The following AP3S2 variants were observed in gnomAD, a reference collection of about 807,000 sequenced individuals.
AP3S2 encodes AP-3 complex subunit sigma-2.
A neutral mutation model predicts 23.4 loss-of-function variants in AP3S2; 22 were observed. The observed-to-expected ratio is 0.94, with a 90% CI of 0.67 to 1.34. The LOEUF (loss-of-function observed/expected upper bound fraction) is 1.34. Ranked by LOEUF, AP3S2 falls within the 40% of genes most tolerant of loss-of-function variation. The probability of loss-of-function intolerance (pLI) is 0.00; values close to 1 mark genes in which losing one functional copy is unlikely to be tolerated. For missense variants in AP3S2, 241 were observed against 236.9 expected, an observed-to-expected ratio of 1.02 and a Z score of -0.11; for synonymous variants, 86 against 87.1, an observed-to-expected ratio of 0.99 and a Z score of 0.07.
chr15:89,893,970 T>TAGAG lies in AP3S2; in HGVS notation c.-22_-21insCTCT. ...ATCATCTTTGCCAGCCACGGTTCTCTCAGCACCGGCTACTCCCAGAAAGCT... is the reference window on the plus strand; with the variant it reads ...ATCATCTTTGCCAGCCACGGTTCTCTAGAGCAGCACCGGCTACTCCCAGAAAGCT... On this transcript the variant is annotated 5_prime_UTR_variant, in exon 1 of 6. Transcript: ENST00000336418. 6.5e-7 allele frequency: 1 copy of TAGAG among 1,550,324 alleles called. No homozygotes were observed. The highest frequency in any genetic ancestry group is 8.7e-7 in the Non-Finnish European group (1 of 1,146,530).
chr15:89,840,513 C>T (rs530053901), intron 4 of AP3S2, among the ~76,000 whole-genome samples: 39 of 152,218 alleles, frequency 2.6e-4, no homozygotes, highest in Non-Finnish European at 4.4e-4. Context: ...CTGCAACCTC[C>T]GCCTCCTGGG....
chr15:89,835,622 C>T lies in AP3S2; in HGVS notation c.475G>A (p.Ala159Thr), dbSNP rs762025364. 6.2e-7 allele frequency: 1 copy of T among 1,610,852 alleles called. No homozygotes were observed. Among genetic ancestry groups the T allele is most frequent in the East Asian group, 2.2e-5 (1 of 44,738 alleles). The change falls in exon 6 of 6, where the codon GCG becomes ACG. Residue 159 changes from alanine to threonine, a missense_variant. By Grantham distance (58) the Ala-to-Thr change is moderately conservative. Transcript: ENST00000336418. ...KSEGGLSAAP[A>T]RAVSAVKNIN... The stretch of plus-strand genomic sequence containing the variant: ...TTTTTCACAGCAGACACAGCCCGCG[C>T]AGGGGCTGCTGAAAGGCCACCCTAA...
chr15:89,843,844 G>A (rs898914953), intron 4 of AP3S2, among the ~76,000 whole-genome samples: 11 of 152,008 alleles, frequency 7.2e-5, no homozygotes, highest in East Asian at 3.9e-4. Flanking sequence ...AAAAAACTAC[G>A]GCAAAAACTT....
In AP3S2 at chr15:89,871,563, AATAG is replaced by A. The variant is rs1896319336; in HGVS notation, c.274-21_274-18del. On this transcript the variant is annotated intron_variant, in intron 3 of 5. Coordinates refer to ENST00000336418, the MANE Select transcript of AP3S2 (RefSeq NM_005829.5). ...CACAAAAACCTAGAAAACAAGGAGA[AATAG>A]ATAAAGAAGAGAAATAGGAACACAT... 1 of 1,611,900 alleles carries A rather than the reference AATAG, an allele frequency of 6.2e-7. No homozygotes were observed. Among genetic ancestry groups the A allele is most frequent in the South Asian group, 1.1e-5 (1 of 90,490 alleles).
At chr15:89,843,446 T>C (rs1345260505) in intron 4 of AP3S2, among the ~76,000 whole-genome samples, 4 of 151,646 alleles carry the variant, frequency 2.6e-5, no homozygotes, top group Non-Finnish European at 4.4e-5. Context: ...AAGACCAGCC[T>C]GGCCAACATG....
At chr15:89,864,901 C>G (rs761908371) in intron 4 of AP3S2, among the ~76,000 whole-genome samples, 7 of 151,948 alleles carry the variant, frequency 4.6e-5, no homozygotes, top group Non-Finnish European at 8.8e-5. Flanking sequence ...AACAAAGGCC[C>G]TGAATAAACA....
intron 4 of AP3S2, among the ~76,000 whole-genome samples, chr15:89,843,644 C>A (rs907254950): frequency 6.6e-6 from 1 of 151,686 alleles, no homozygotes; most frequent in Non-Finnish European, 1.5e-5. Flanking sequence ...CAGAAAAAAA[C>A]AAACAAACAA....
intron 4 of AP3S2, among the ~76,000 whole-genome samples, chr15:89,849,193 C>T (rs1481027214): frequency 6.6e-6 from 1 of 152,080 alleles, no homozygotes; most frequent in Non-Finnish European, 1.5e-5. Context: ...GCTAGGGAGA[C>T]AAAACAATAT....
chr15:89,871,385 C>G, intron 4 of AP3S2, 90 bp downstream of exon 4: 2 of 1,193,148 alleles, frequency 1.7e-6, no homozygotes, highest in Non-Finnish European at 2.4e-6. Context: ...AAACAAGAAA[C>G]AATATGAAGA....
intron 4 of AP3S2, among the ~76,000 whole-genome samples, chr15:89,844,260 TTTC>T (rs1895424444): frequency 3.8e-5 from 1 of 26,440 alleles, no homozygotes; most frequent in African/African-American, 1.6e-4. Context: ...TCTTTCTTTC[TTTC>T]TTTCTTTCTC....
At chr15:89,890,581 C>T (rs563976553) in intron 1 of AP3S2, among the ~76,000 whole-genome samples, 9 of 152,258 alleles carry the variant, frequency 5.9e-5, no homozygotes, top group African/African-American at 1.9e-4. Flanking sequence ...AATACAGATT[C>T]GGATTTAGCA....
At chr15:89,864,957 G>T (rs1424427392) in intron 4 of AP3S2, among the ~76,000 whole-genome samples, 1 of 152,054 alleles carries the variant, frequency 6.6e-6, no homozygotes, top group Non-Finnish European at 1.5e-5. Flanking sequence ...AAGAAAAGAT[G>T]CTCATCTTCA....
intron 4 of AP3S2, among the ~76,000 whole-genome samples, chr15:89,853,519 G>A (rs1241382995): frequency 2.6e-5 from 4 of 152,220 alleles, no homozygotes; most frequent in Admixed American, 2.0e-4. Flanking sequence ...AAGAATCAAT[G>A]AGGGCTGCCA....
chr15:89,871,399 A>G lies in AP3S2; in HGVS notation c.345+76T>C. On this transcript the variant is annotated intron_variant, in intron 4 of 5. Coordinates refer to ENST00000336418, the MANE Select transcript of AP3S2 (RefSeq NM_005829.5). ...AAAACAAGAAACAATATGAAGATGT[A>G]GAGGTGGCTACAGATGCCCAAGGCT... 2.2e-6 allele frequency: 3 copies of G among 1,336,122 alleles called. No homozygotes were observed. The South Asian group carries it at 4.1e-5, about 18-fold the overall frequency. 82.8% of individuals were successfully genotyped at this position (1,336,122 alleles called of 1,614,324 possible).
chr15:89,892,710 C>T (rs1896848106), intron 1 of AP3S2, among the ~76,000 whole-genome samples: 1 of 152,218 alleles, frequency 6.6e-6, no homozygotes, highest in African/African-American at 2.4e-5. Flanking sequence ...TTCGCCCAGG[C>T]TGGAGTGCAG....
Position 89,849,568 on chromosome 15 carries a change from T to C in AP3S2, c.346-11846A>G, listed in dbSNP as rs186881274. The stretch of plus-strand genomic sequence containing the variant: ...TTTTTAGTAGAGACGGGGGTTTCAC[T>C]ATGTTAGCCAGGATGGTCTCGATCT... On this transcript the variant is annotated intron_variant, in intron 4 of 5. Coordinates refer to ENST00000336418, the MANE Select transcript of AP3S2 (RefSeq NM_005829.5). 1.3e-3 allele frequency among the ~76,000 whole-genome samples: 200 copies of C among 152,108 alleles called. 1 individual carries two copies. Among genetic ancestry groups the C allele is most frequent in the Middle Eastern group, 3.4e-3 (1 of 294 alleles).
intron 4 of AP3S2, among the ~76,000 whole-genome samples, chr15:89,855,023 G>A (rs1464927402): frequency 7.4e-6 from 1 of 134,550 alleles, no homozygotes; most frequent in East Asian, 2.3e-4. Context: ...CGTCTGGGAG[G>A]TGTGCCCAAC....
rs150381932 is a variant in AP3S2, at chr15:89,889,189, C to T, written c.70-49G>A. 482 of 1,603,176 alleles carry T rather than the reference C, an allele frequency of 3.0e-4. 4 individuals carry two copies. In the East Asian group the frequency reaches 8.8e-3, roughly 29 times the overall value. On this transcript the variant is annotated intron_variant, in intron 1 of 5. Transcript: ENST00000336418. ...ATCAGTGGGCAAGCCTGAAAAACTA[C>T]ATCCCATCCATGGGGATGGACAAGG...
At chr15:89,889,228 T>A in intron 1 of AP3S2, 88 bp from the exon 2 acceptor site, 1 of 1,417,170 alleles carries the variant, frequency 7.1e-7, no homozygotes, top group Non-Finnish European at 9.9e-7. Flanking sequence ...GAAGTGTTTC[T>A]AAGCTGGGAA....
Sources: gnomAD v4.1 joint callset for allele counts (sites outside exome capture counted in the v4.1 genomes callset) on GRCh38, gnomAD v4.1.1 for gene constraint, MANE v1.5 for transcripts, NCBI Gene and HGNC (gene_info 2026-07-23, HGNC 2026-07-21) for gene names.